The following CEP76 variants were observed in gnomAD, a reference collection of about 807,000 sequenced individuals.
The protein encoded by CEP76 is centrosomal protein 76.
In CEP76, 55 loss-of-function variants were observed where a neutral mutation model predicts 83.3. The observed-to-expected ratio is 0.66, with a 90% CI of 0.53 to 0.83. The LOEUF (loss-of-function observed/expected upper bound fraction) is 0.83, where lower values mean the gene tolerates loss of function less well. Among genes scored for constraint, CEP76 ranks in the 40% least tolerant of loss-of-function variants. The pLI is 0.00. For missense variants in CEP76, 694 were observed against 799.5 expected (o/e 0.87, Z 1.59); for synonymous variants, 270 against 274.5 (o/e 0.98, Z 0.16).
rs557581497 is a variant in CEP76 at position 12,699,600 on chromosome 18, C to T, written c.295+230G>A. On this transcript the variant is annotated intron_variant, in intron 3 of 11. Transcript: ENST00000262127. Reference sequence around the variant, plus strand: ...GCAAGGCTGTACAGTTTTTATAAAACATATTATTAAAACACAAGAAACTGG... The same window carrying T: ...GCAAGGCTGTACAGTTTTTATAAAATATATTATTAAAACACAAGAAACTGG... 2.6e-5 allele frequency among the ~76,000 whole-genome samples: 4 copies of T among 152,176 alleles called. No individual in the cohort carries two copies. In the East Asian group the frequency reaches 7.7e-4, roughly 29 times the overall value.
intron 7 of CEP76, among the ~76,000 whole-genome samples, chr18:12,689,383 C>G (rs2039665282): frequency 6.6e-6 from 1 of 152,110 alleles, no homozygotes; most frequent in South Asian, 2.1e-4. Flanking sequence ...CCAGTTGAAA[C>G]TCCAATTTGA....
chr18:12,663,802 G>A (rs2038748879), intron 12 of CEP76, among the ~76,000 whole-genome samples: 1 of 152,038 alleles, frequency 6.6e-6, no homozygotes, highest in Non-Finnish European at 1.5e-5. Context: ...ATCTCATTCT[G>A]CTGCCCAGGC....
intron 5 of CEP76, among the ~76,000 whole-genome samples, chr18:12,696,130 GAA>G (rs1338649228): frequency 1.3e-5 from 2 of 152,090 alleles, no homozygotes; most frequent in Non-Finnish European, 2.9e-5. Flanking sequence ...TATTGTTTTT[GAA>G]AATAAATTTC....
At chr18:12,685,877 C>G (rs900419079) in intron 8 of CEP76, 1 of 157,198 alleles carries the variant, frequency 6.4e-6, no homozygotes, top group Non-Finnish European at 1.4e-5. Flanking sequence ...GGTGATCCAC[C>G]TGCCTCAGCC....
chr18:12,678,073 G>T (rs758422946), intron 10 of CEP76, 36 bp downstream of exon 10: 1 of 1,516,500 alleles, frequency 6.6e-7, no homozygotes. Context: ...TAAATGAAAA[G>T]AAGTATGAAA....
chr18:12,691,438 A>G lies in CEP76; in HGVS notation c.854T>C (p.Val285Ala). 1 of 1,609,348 alleles carries G rather than the reference A, an allele frequency of 6.2e-7. No homozygotes were observed. Residue 285 changes from valine (V) to alanine (A), a missense_variant, in exon 7 of 12, where the codon GTA becomes GCA. Transcript: ENST00000262127. The stretch of plus-strand genomic sequence containing the variant: ...TTCTCTCCACCACTGCTTAGCATAT[A>G]CAAGAAATAATCGCTCTTTCTCTGC... ...KTAEKERLFL[V>A]YAKQWWREYL...
At chr18:12,677,603 G>C (rs866275659) in intron 10 of CEP76, among the ~76,000 whole-genome samples, 3 of 150,922 alleles carry the variant, frequency 2.0e-5, no homozygotes, top group Non-Finnish European at 4.4e-5. Context: ...TATGAAAAAA[G>C]TATAACCCAG....
In CEP76 at chr18:12,678,098, G is replaced by A; in HGVS notation, c.1623+11C>T. The A allele has an allele frequency of 6.3e-7, 1 of 1,592,310 alleles. No individual in the cohort carries two copies. The highest frequency in any genetic ancestry group is 8.6e-7 in the Non-Finnish European group (1 of 1,161,442). ...GAAGTATGAAACTACAACTATTTCA[G>A]TGTGAATTACCTTCCTGTGTTCTGA... is the stretch of plus-strand genomic sequence containing the variant. On this transcript the variant is annotated intron_variant, in intron 10 of 11. Transcript: ENST00000262127.
chr18:12,697,468 A>T, intron 4 of CEP76, 60 bp from the exon 5 acceptor site: 1 of 1,117,396 alleles, frequency 8.9e-7, no homozygotes, highest in East Asian at 2.5e-5. Context: ...GCCAACATAA[A>T]AGAATACTTT....
intron 8 of CEP76, among the ~76,000 whole-genome samples, chr18:12,683,186 CAAAAA>C (rs765652085): frequency 7.9e-5 from 5 of 63,662 alleles, no homozygotes; most frequent in Non-Finnish European, 1.2e-4. Flanking sequence ...CTAAAAATAC[CAAAAA>C]AAAAAAAAAA....
rs747064410 is a variant in CEP76 at position 12,699,829 on chromosome 18, C to CT, written c.295dup (p.Thr99AsnfsTer2). On this transcript the variant is annotated frameshift_variant and splice_region_variant. Transcript: ENST00000262127. LOFTEE classifies it high-confidence loss of function. ...CTAAATTAATGTTAAAATATACATA[C>CT]TTTTTTTTAATGTCGATTGTCTATC... The CT allele has an allele frequency of 5.9e-5, 89 of 1,509,298 alleles. No homozygotes were observed. The highest frequency in any genetic ancestry group is 2.1e-4 in the Admixed American group (11 of 53,338). The allele number at this position is 1,509,298 out of a possible 1,614,324, so 93.5% of individuals were successfully genotyped here.
Position 12,674,712 on chromosome 18 carries a change from G to A in CEP76, c.1665C>T (p.Tyr555=), listed in dbSNP as rs147218951. Reference sequence around the variant, plus strand: ...AAGAAGCCAAAGCTGGTGATAAAAGGTAGGAGAGCTGGTCTTCCCAAACAG... The same window carrying A: ...AAGAAGCCAAAGCTGGTGATAAAAGATAGGAGAGCTGGTCTTCCCAAACAG... The part of the protein sequence containing the change: ...LTTVWEDQLS[Y]LLSPALASYE... Residue 555 remains tyrosine, a synonymous_variant, in exon 11 of 12, where the codon TAC becomes TAT. Transcript: ENST00000262127. 1,253 of 1,614,056 alleles carry A rather than the reference G, an allele frequency of 7.8e-4. 2 individuals are homozygous for A. The highest frequency in any genetic ancestry group is 1.0e-3 in the Non-Finnish European group (1,202 of 1,179,994).
intron 6 of CEP76, among the ~76,000 whole-genome samples, chr18:12,694,053 A>C (rs1389012962): frequency 6.6e-6 from 1 of 152,038 alleles, no homozygotes; most frequent in Non-Finnish European, 1.5e-5. Context: ...AGCTGGTCCT[A>C]AACTGCTGGA....
At position 12,672,732 on chromosome 18, in the gene CEP76, T is replaced by C. The variant is rs2038979765; in HGVS notation, c.*633A>G. On this transcript the variant is annotated 3_prime_UTR_variant, in exon 12 of 12. Transcript: ENST00000262127. ...TTTTACAACAAATCACAGTGATAAA[T>C]ATTTCTAAATGATTCATGTACTTTC... 5 of 971,846 alleles carry C rather than the reference T, an allele frequency of 5.1e-6. No homozygotes were observed. The highest frequency in any genetic ancestry group is 6.1e-6 in the Non-Finnish European group (5 of 817,388). 60.2% of individuals were successfully genotyped at this position (971,846 alleles called of 1,614,324 possible).
chr18:12,699,706 A>G (rs1419916643), intron 3 of CEP76, 124 bp downstream of exon 3: 1 of 596,086 alleles, frequency 1.7e-6, no homozygotes, highest in South Asian at 2.9e-5. Flanking sequence ...TTAGCCAACC[A>G]TAAAATTTTA....
intron 1 of CEP76, 142 bp downstream of exon 1, chr18:12,702,344 C>T (rs2040188518): frequency 9.3e-6 from 6 of 642,356 alleles, no homozygotes; most frequent in South Asian, 3.5e-5. Context: ...AAACTCAAAG[C>T]TCTGCCTACT....
Position 12,697,776 on chromosome 18 carries a change from C to A in CEP76, c.521-368G>T, listed in dbSNP as rs189075132. Among the ~76,000 whole-genome samples, 45 of 152,254 alleles carry A rather than the reference C, an allele frequency of 3.0e-4. No individual in the cohort carries two copies. The East Asian group carries it at 8.5e-3, about 29-fold the overall frequency. The stretch of plus-strand genomic sequence containing the variant: ...TACCTCAAGAAATCCCTTTAACCTC[C>A]AGAAATTATCACTGTATAATTGACA... On this transcript the variant is annotated intron_variant, in intron 4 of 11. Transcript: ENST00000262127.
intron 6 of CEP76, among the ~76,000 whole-genome samples, chr18:12,694,937 G>T (rs995360063): frequency 6.6e-6 from 1 of 151,340 alleles, no homozygotes; most frequent in African/African-American, 2.4e-5. Flanking sequence ...GGATGGTCAC[G>T]ATCTCCTGAC....
intron 11 of CEP76, among the ~76,000 whole-genome samples, chr18:12,673,740 G>A (rs2039015246): frequency 1.3e-5 from 2 of 152,062 alleles, no homozygotes; most frequent in South Asian, 2.1e-4. Context: ...AATTAGCCGC[G>A]TGTGGTGGCG....
Sources: allele counts gnomAD v4.1 joint callset (sites outside exome capture counted in the v4.1 genomes callset), GRCh38; gene constraint gnomAD v4.1.1; transcripts MANE v1.5; gene names NCBI Gene and HGNC (gene_info 2026-07-23, HGNC 2026-07-21).